VPS13B: variants seen among roughly 807,000 people sequenced by gnomAD.
VPS13B encodes the protein intermembrane lipid transfer protein VPS13B.
Under a neutral mutation model 426.4 loss-of-function variants are expected in VPS13B, and 285 were observed. The ratio of observed to expected loss-of-function variants is 0.67; its 90% CI spans 0.61 to 0.74. The LOEUF (loss-of-function observed/expected upper bound fraction) is 0.74. VPS13B is among the 30% of genes least tolerant of loss of function. The pLI is 0.00. For synonymous variants in VPS13B, 1,676 were observed against 1,676.4 expected, an observed-to-expected ratio of 1.00 and a Z score of 0.01; for missense variants, 4,537 against 4,782.6, an observed-to-expected ratio of 0.95 and a Z score of 1.51.
At chr8:99,461,911 A>G (rs985949275) in intron 23 of VPS13B, among the ~76,000 whole-genome samples, 3 of 152,182 alleles carry the variant, frequency 2.0e-5, no homozygotes, top group Non-Finnish European at 2.9e-5. Flanking sequence ...TGCAAGCTCT[A>G]TGAAAACAAT....
intron 19 of VPS13B, chr8:99,340,379 A>G: frequency 2.4e-6 from 1 of 419,366 alleles, no homozygotes; most frequent in Non-Finnish European, 4.7e-6. Context: ...TCTGGGAAGA[A>G]ATCATCATGG....
chr8:99,124,712 C>A (rs1031583574), intron 8 of VPS13B, among the ~76,000 whole-genome samples: 2 of 151,816 alleles, frequency 1.3e-5, no homozygotes, highest in African/African-American at 4.8e-5. Context: ...TGTTGAAACC[C>A]TGTCTCTACT....
chr8:99,781,703 G>A lies in VPS13B; in HGVS notation c.7780-2612G>A, dbSNP rs942753353. Among the ~76,000 whole-genome samples the A allele has an allele frequency of 2.0e-5, 3 of 152,172 alleles. No individual in the cohort carries two copies. The South Asian group carries it at 6.2e-4, about 32-fold the overall frequency. ...AACCCTCATCATTTATTAAAGGTCA[G>A]TTTTTAGAGATGAAGAAAGTAATAT... is the stretch of plus-strand genomic sequence containing the variant. On this transcript the variant is annotated intron_variant, in intron 42 of 61. Transcript: ENST00000357162.
At chr8:99,654,149 C>T (rs1481953709) in intron 34 of VPS13B, among the ~76,000 whole-genome samples, 2 of 151,978 alleles carry the variant, frequency 1.3e-5, no homozygotes, top group Admixed American at 1.3e-4. Flanking sequence ...CCCGGGTTCA[C>T]ACCATTCTCC....
intron 33 of VPS13B, among the ~76,000 whole-genome samples, chr8:99,593,896 G>A (rs1409470522): frequency 6.6e-6 from 1 of 152,076 alleles, no homozygotes. Flanking sequence ...AACACACACT[G>A]AGGTCCATGG....
At chr8:99,626,975 G>A (rs1005632305) in intron 33 of VPS13B, among the ~76,000 whole-genome samples, 2 of 152,128 alleles carry the variant, frequency 1.3e-5, no homozygotes, top group African/African-American at 4.8e-5. Flanking sequence ...GTGATAACAT[G>A]GATGAATCTT....
intron 19 of VPS13B, among the ~76,000 whole-genome samples, chr8:99,348,774 A>G (rs1811691465): frequency 6.6e-6 from 1 of 152,212 alleles, no homozygotes; most frequent in Admixed American, 6.5e-5. Context: ...TCTTAAGTAT[A>G]AATCACTTGT....
At chr8:99,669,374 TATTTTTTTC>T (rs1830613891) in intron 35 of VPS13B, among the ~76,000 whole-genome samples, 1 of 152,162 alleles carries the variant, frequency 6.6e-6, no homozygotes, top group African/African-American at 2.4e-5. Flanking sequence ...AGCTCTCTGG[TATTTTTTTC>T]ATTGTTCTTT....
intron 33 of VPS13B, among the ~76,000 whole-genome samples, chr8:99,580,153 T>A (rs920955298): frequency 1.1e-4 from 17 of 151,820 alleles, no homozygotes; most frequent in African/African-American, 3.9e-4. Flanking sequence ...AATTATGGAT[T>A]AATAATAAGA....
intron 3 of VPS13B, among the ~76,000 whole-genome samples, chr8:99,087,258 T>A (rs560464798): frequency 1.3e-5 from 2 of 152,298 alleles, no homozygotes; most frequent in African/African-American, 4.8e-5. Flanking sequence ...CACCCAGCCA[T>A]GTGCGGGATT....
intron 43 of VPS13B, among the ~76,000 whole-genome samples, chr8:99,795,005 G>T (rs762588156): frequency 2.0e-5 from 3 of 152,226 alleles, no homozygotes; most frequent in Middle Eastern, 3.4e-3. Context: ...TCCTGGATTT[G>T]ATCTTTGCTG....
intron 3 of VPS13B, among the ~76,000 whole-genome samples, chr8:99,085,080 G>T (rs1845700823): frequency 6.6e-6 from 1 of 152,080 alleles, no homozygotes; most frequent in Admixed American, 6.5e-5. Context: ...ATTATTGTAT[G>T]GGAGTCTAAG....
At chr8:99,050,183 C>G (rs967393456) in intron 3 of VPS13B, among the ~76,000 whole-genome samples, 6 of 152,026 alleles carry the variant, frequency 3.9e-5, no homozygotes, top group African/African-American at 1.4e-4. Flanking sequence ...ATCGCTCCCC[C>G]CTCCCCCCAC....
At chr8:99,627,794 G>A (rs1828678703) in intron 33 of VPS13B, among the ~76,000 whole-genome samples, 1 of 152,116 alleles carries the variant, frequency 6.6e-6, no homozygotes, top group African/African-American at 2.4e-5. Context: ...TTACATCAAG[G>A]GGCAGTTGAC....
intron 35 of VPS13B, among the ~76,000 whole-genome samples, chr8:99,673,756 T>G (rs1830811846): frequency 1.3e-5 from 2 of 152,020 alleles, no homozygotes; most frequent in South Asian, 4.1e-4. Flanking sequence ...AAAATTCCCC[T>G]CTTAGAACTG....
chr8:99,656,896 T>C (rs1042005322), intron 34 of VPS13B, among the ~76,000 whole-genome samples: 3 of 152,224 alleles, frequency 2.0e-5, no homozygotes, highest in Admixed American at 6.5e-5. Flanking sequence ...AGCCCTATCC[T>C]GCATTCAATT....
chr8:99,368,081 G>T (rs1812988652), intron 19 of VPS13B, among the ~76,000 whole-genome samples: 1 of 152,220 alleles, frequency 6.6e-6, no homozygotes, highest in Admixed American at 6.5e-5. Flanking sequence ...ACCTCAGTAA[G>T]AAGACTGTTG....
rs139209183 is a variant in VPS13B, at chr8:99,563,809, CTGAA to C, written c.4949+7159_4949+7162del. Among the ~76,000 whole-genome samples the C allele has an allele frequency of 6.5e-4, 99 of 152,246 alleles. 2 individuals are homozygous for C. The highest frequency in any genetic ancestry group is 2.0e-3 in the African/African-American group (85 of 41,544). On this transcript the variant is annotated intron_variant, in intron 31 of 61. Coordinates refer to ENST00000357162, the MANE Select transcript of VPS13B (RefSeq NM_152564.5). The stretch of plus-strand genomic sequence containing the variant: ...TAAGTAGGGCCAACTAATCAAGAGA[CTGAA>C]TGTGAATGTTTATGAAAGATATTCA...
At chr8:99,393,659 TTGCCCTGTTTGGTGAC>T (rs893342823) in intron 21 of VPS13B, among the ~76,000 whole-genome samples, 2 of 152,154 alleles carry the variant, frequency 1.3e-5, no homozygotes, top group East Asian at 3.8e-4. Flanking sequence ...ATGCTTGTGA[TTGCCCTGTTTGGTGAC>T]TGTGAGCAGT....
Sources: gnomAD v4.1 joint callset for allele counts (sites outside exome capture counted in the v4.1 genomes callset) on GRCh38, gnomAD v4.1.1 for gene constraint, MANE v1.5 for transcripts, NCBI Gene and HGNC (gene_info 2026-07-23, HGNC 2026-07-21) for gene names.